TPR: variants seen among roughly 807,000 people sequenced by gnomAD.
The protein encoded by TPR is translocated promoter region, nuclear basket protein.
In TPR, 51 loss-of-function variants were observed where a neutral mutation model predicts 316.1. That is an observed-to-expected ratio of 0.16 (90% CI 0.13 to 0.20). The LOEUF is 0.20. Ranked by LOEUF, TPR falls within the 10% of genes least tolerant of loss-of-function variation. The pLI is 1.00. For missense variants in TPR, 2,272 were observed against 2,754.8 expected, an observed-to-expected ratio of 0.82 and a Z score of 3.92; for synonymous variants, 981 against 914.7, an observed-to-expected ratio of 1.07 and a Z score of -1.31.
intron 49 of TPR, among the ~76,000 whole-genome samples, chr1:186,315,324 TCAAA>T (rs1557979409): frequency 6.6e-6 from 1 of 151,662 alleles, no homozygotes; most frequent in Non-Finnish European, 1.5e-5. Context: ...TACCCATGTA[TCAAA>T]CATACTGCCA....
intron 3 of TPR, 117 bp downstream of exon 3, chr1:186,370,853 C>G (rs941040039): frequency 1.0e-5 from 8 of 777,026 alleles, no homozygotes; most frequent in African/African-American, 1.8e-5. Flanking sequence ...TGGTAGCTTC[C>G]CCTAATAGGA....
Position 186,374,956 on chromosome 1 carries a change from G to C in TPR, c.73C>G (p.Leu25Val), listed in dbSNP as rs778359351. Residue 25 changes from leucine to valine, a missense_variant, in exon 1 of 51, where the codon CTT (leucine) becomes GTT (valine). Coordinates refer to ENST00000367478, the MANE Select transcript of TPR (RefSeq NM_003292.3). ...NKLPKSVQNK[L>V]EKFLADQQSE... ...TGCTGATCAGCAAGGAACTTTTCAA[G>C]TTTGTTCTGGACAGACTTGGGCAGC... is the stretch of plus-strand genomic sequence containing the variant. 5 of 1,612,838 alleles carry C rather than the reference G, an allele frequency of 3.1e-6. No homozygotes were observed. Among genetic ancestry groups the C allele is most frequent in the Non-Finnish European group, 4.2e-6 (5 of 1,179,044 alleles).
chr1:186,324,774 T>C (rs1008783456), intron 42 of TPR, among the ~76,000 whole-genome samples: 1 of 151,552 alleles, frequency 6.6e-6, no homozygotes, highest in African/African-American at 2.4e-5. Context: ...TTTTGCTTGG[T>C]TGCAAAAATA....
At chr1:186,324,215 C>T (rs1657851844) in intron 42 of TPR, among the ~76,000 whole-genome samples, 1 of 151,642 alleles carries the variant, frequency 6.6e-6, no homozygotes. Context: ...CTATGATAAA[C>T]ATTAAAAACA....
intron 20 of TPR, 55 bp downstream of exon 20, chr1:186,351,275 G>C (rs1282298637): frequency 1.6e-5 from 24 of 1,511,820 alleles, no homozygotes; most frequent in Non-Finnish European, 1.9e-5. Context: ...CCACACACCA[G>C]ATTAATTACT....
chr1:186,358,585 A>G lies in TPR; in HGVS notation c.1455T>C (p.Asp485=), dbSNP rs779363932. Residue 485 remains aspartate, a synonymous_variant, in exon 13 of 51, where the codon GAT becomes GAC. Coordinates refer to ENST00000367478, the MANE Select transcript of TPR (RefSeq NM_003292.3). ...TTACTTGTATTTCCATTCTTCGATT[A>G]TCTCTCTCAAGTACAGATGATTGCT... ...ANKQSSVLER[D]NRRMEIQVKD... is the part of the protein sequence containing the mutation. The G allele has an allele frequency of 6.2e-7, 1 of 1,612,072 alleles. No homozygotes were observed. The highest frequency in any genetic ancestry group is 1.1e-5 in the South Asian group (1 of 90,626).
At chr1:186,370,027 C>G (rs895345218) in intron 3 of TPR, among the ~76,000 whole-genome samples, 2 of 152,022 alleles carry the variant, frequency 1.3e-5, no homozygotes, top group Admixed American at 1.3e-4. Context: ...AGATTAAGAA[C>G]CTCCGTATTG....
At chr1:186,368,930 T>C (rs1210657439) in intron 3 of TPR, among the ~76,000 whole-genome samples, 1 of 152,182 alleles carries the variant, frequency 6.6e-6, no homozygotes, top group African/African-American at 2.4e-5. Flanking sequence ...CGGTATATGA[T>C]GTAAGCAACA....
At chr1:186,340,857 G>C (rs985079254) in intron 29 of TPR, among the ~76,000 whole-genome samples, 171 bp downstream of exon 29, 5 of 151,974 alleles carry the variant, frequency 3.3e-5, no homozygotes, top group African/African-American at 1.2e-4. Context: ...TATAAATTGG[G>C]TTATAAGTTT....
At chr1:186,368,841 C>G (rs984964113) in intron 3 of TPR, among the ~76,000 whole-genome samples, 1 of 152,172 alleles carries the variant, frequency 6.6e-6, no homozygotes, top group East Asian at 1.9e-4. Flanking sequence ...TGTCAAGAAC[C>G]TTTCCCCTAT....
At chr1:186,348,640 C>G (rs533451466) in intron 21 of TPR, among the ~76,000 whole-genome samples, 4 of 152,092 alleles carry the variant, frequency 2.6e-5, no homozygotes, top group Admixed American at 6.5e-5. Context: ...GCCAGCATCA[C>G]GGTCCTAGAT....
intron 46 of TPR, 67 bp from the exon 47 acceptor site, chr1:186,318,895 G>A (rs1195438249): frequency 6.9e-7 from 1 of 1,457,132 alleles, no homozygotes. Flanking sequence ...AGTCAGGGAT[G>A]TGAAAGAAAA....
In TPR at chr1:186,313,617, A is replaced by G; in HGVS notation, c.*354T>C. 1 of 932,820 alleles carries G rather than the reference A, an allele frequency of 1.1e-6. No homozygotes were observed. The highest frequency in any genetic ancestry group is 1.7e-5 in the Admixed American group (1 of 58,766). 57.8% of individuals were successfully genotyped at this position (932,820 alleles called of 1,614,324 possible). A position where few individuals can be genotyped will look rare whatever the true frequency, so the allele number is the denominator to read the frequency against. On this transcript the variant is annotated 3_prime_UTR_variant, in exon 51 of 51. Transcript: ENST00000367478. Reference sequence around the variant, plus strand: ...GTCTTTGAGCATAATAGTCAACATAAGTTATTTTTTAGTTTGGGCATTGTT... The same window carrying G: ...GTCTTTGAGCATAATAGTCAACATAGGTTATTTTTTAGTTTGGGCATTGTT...
At chr1:186,314,799 CTAAA>C (rs548040189) in intron 49 of TPR, 75 bp from the exon 50 acceptor site, 38 of 853,876 alleles carry the variant, frequency 4.5e-5, no homozygotes, top group African/African-American at 3.3e-4. Flanking sequence ...AAACTAATTA[CTAAA>C]TGAATGAATG....
At chr1:186,325,962 A>G (rs1256107752) in intron 41 of TPR, 108 bp from the exon 42 acceptor site, 3 of 1,556,598 alleles carry the variant, frequency 1.9e-6, no homozygotes, top group Admixed American at 2.0e-5. Flanking sequence ...ATAAGTAACC[A>G]TAACAACAAA....
At chr1:186,358,140 T>C (rs1370801247) in intron 13 of TPR, among the ~76,000 whole-genome samples, 4 of 152,174 alleles carry the variant, frequency 2.6e-5, no homozygotes, top group Admixed American at 6.5e-5. Flanking sequence ...AGTCCAGTCT[T>C]ACTTCAGTAA....
chr1:186,351,214 C>T, intron 20 of TPR, 116 bp downstream of exon 20: 1 of 1,264,692 alleles, frequency 7.9e-7, no homozygotes, highest in Non-Finnish European at 1.1e-6. Context: ...GCAAGAAAAA[C>T]TTAGTAACAA....
At chr1:186,361,249 A>T (rs1453740537) in intron 9 of TPR, among the ~76,000 whole-genome samples, 2 of 151,994 alleles carry the variant, frequency 1.3e-5, no homozygotes, top group Non-Finnish European at 2.9e-5. Context: ...AAAAGCAAAA[A>T]TTTGAGGAAA....
intron 49 of TPR, among the ~76,000 whole-genome samples, chr1:186,315,623 G>C (rs930158386): frequency 2.0e-5 from 3 of 151,742 alleles, no homozygotes; most frequent in African/African-American, 7.3e-5. Context: ...GTATGCAGCA[G>C]CCAAACTGAT....
Sources: allele counts gnomAD v4.1 joint callset (sites outside exome capture counted in the v4.1 genomes callset), GRCh38; gene constraint gnomAD v4.1.1; transcripts MANE v1.5; gene names NCBI Gene and HGNC (gene_info 2026-07-23, HGNC 2026-07-21).